The following RPTOR variants were observed in gnomAD, a reference collection of about 807,000 sequenced individuals.
RPTOR encodes regulatory-associated protein of mTOR.
Under a neutral mutation model 169.9 loss-of-function variants are expected in RPTOR, and 21 were observed. The observed-to-expected ratio is 0.12, with a 90% confidence interval of 0.09 to 0.18. RPTOR has a LOEUF of 0.18. RPTOR is among the 10% of genes least tolerant of loss of function. The pLI is 1.00. For missense variants in RPTOR, 1,133 were observed against 1,855.9 expected (o/e 0.61, Z 7.16); for synonymous variants, 732 against 753.2 (o/e 0.97, Z 0.46).
At chr17:80,744,983 T>TAGCACAGCCCTGGCTACG (rs1567889703) in intron 5 of RPTOR, among the ~76,000 whole-genome samples, 21 of 151,574 alleles carry the variant, frequency 1.4e-4, no homozygotes, top group African/African-American at 4.9e-4. Context: ...CCCTGGTTAC[T>TAGCACAGCCCTGGCTACG]AGCACAGCCT....
Position 80,823,353 on chromosome 17 carries a change from G to GTTTTTAT in RPTOR, c.1136+131_1136+132insTTTTATT. 1.8e-6 allele frequency: 2 copies of GTTTTTAT among 1,130,010 alleles called. No homozygotes were observed. Among genetic ancestry groups the GTTTTTAT allele is most frequent in the Non-Finnish European group, 1.2e-6 (1 of 824,752 alleles). 70.0% of individuals were successfully genotyped at this position (1,130,010 alleles called of 1,614,324 possible). ...TGGGGACCCCGTGTAGCATTAACAAGTGAAGCTAAATGCAGGGCTCCCAGA... is the reference window on the plus strand; with the variant it reads ...TGGGGACCCCGTGTAGCATTAACAAGTTTTTATTGAAGCTAAATGCAGGGCTCCCAGA... On this transcript the variant is annotated intron_variant, in intron 9 of 33. Transcript: ENST00000306801. This position sits in a 1 kb window ranked among gnomAD's most constrained non-coding sequence, Gnocchi z 4.5.
chr17:80,552,976 C>T (rs2084363678), intron 1 of RPTOR, among the ~76,000 whole-genome samples: 1 of 152,230 alleles, frequency 6.6e-6, no homozygotes, highest in African/African-American at 2.4e-5. Flanking sequence ...TGGGGCTTCT[C>T]CTAGACCCTT....
At chr17:80,660,552 T>C (rs577832474) in intron 3 of RPTOR, among the ~76,000 whole-genome samples, 2 of 152,158 alleles carry the variant, frequency 1.3e-5, no homozygotes, top group South Asian at 4.1e-4. Context: ...AAGAGTCTGA[T>C]GGTGACACGG....
In RPTOR at chr17:80,960,046, G is replaced by T; in HGVS notation, c.3478-32G>T. The T allele has an allele frequency of 6.2e-7, 1 of 1,606,686 alleles. No homozygotes were observed. Among genetic ancestry groups the T allele is most frequent in the Non-Finnish European group, 8.5e-7 (1 of 1,177,742 alleles). On this transcript the variant is annotated intron_variant, in intron 29 of 33. Coordinates refer to ENST00000306801, the MANE Select transcript of RPTOR (RefSeq NM_020761.3). This position sits in a 1 kb window ranked among gnomAD's most constrained non-coding sequence, Gnocchi z 4.8. ...GCAGGGAGGGTGGCTCGGTGCCCCG[G>T]TCTTCACCGGGCTGCCTGTGTTTGG...
intron 24 of RPTOR, among the ~76,000 whole-genome samples, chr17:80,927,724 G>GTTTC (rs1165056069): frequency 1.6e-5 from 1 of 61,856 alleles, no homozygotes; most frequent in Non-Finnish European, 3.1e-5. Flanking sequence ...GTGTGTGTCT[G>GTTTC]TGTGTTTCTG....
chr17:80,916,540 C>T (rs1444686233), intron 21 of RPTOR, among the ~76,000 whole-genome samples: 2 of 152,370 alleles, frequency 1.3e-5, no homozygotes, highest in Non-Finnish European at 1.5e-5. Context: ...GTGAGCCAAG[C>T]GCAGCCTGCC....
chr17:80,899,479 C>T (rs1048314449), intron 20 of RPTOR, among the ~76,000 whole-genome samples: 14 of 152,318 alleles, frequency 9.2e-5, no homozygotes, highest in Non-Finnish European at 1.6e-4. Flanking sequence ...CCCCTGGCCC[C>T]GGCCACAGCT....
rs2067405591 is a variant in RPTOR at position 80,823,511 on chromosome 17, GA to G, written c.1136+289del. 1 of 311,304 alleles carries G rather than the reference GA, an allele frequency of 3.2e-6. No individual in the cohort carries two copies. Among genetic ancestry groups the G allele is most frequent in the South Asian group, 7.8e-5 (1 of 12,872 alleles). 19.3% of individuals were successfully genotyped at this position (311,304 alleles called of 1,614,324 possible). A position where few individuals can be genotyped will look rare whatever the true frequency, so the allele number is the denominator to read the frequency against. On this transcript the variant is annotated intron_variant, in intron 9 of 33. Transcript: ENST00000306801. The surrounding 1 kb of genome is among the most constrained non-coding windows in gnomAD (Gnocchi z 4.5). ...CTCGGGAGGGTAGCACTTTGCAAGAGAGTTTCTAACCTTTTAGAAACCAGTA... is the reference window on the plus strand; with the variant it reads ...CTCGGGAGGGTAGCACTTTGCAAGAGGTTTCTAACCTTTTAGAAACCAGTA...
intron 8 of RPTOR, among the ~76,000 whole-genome samples, 177 bp from the exon 9 acceptor site, chr17:80,822,902 T>C (rs2067397678): frequency 7.1e-6 from 1 of 141,392 alleles, no homozygotes; most frequent in Admixed American, 7.0e-5. Context: ...TGTGCACGTG[T>C]GTGTATGTTT....
At chr17:80,715,712 C>CA (rs1567872251) in intron 4 of RPTOR, among the ~76,000 whole-genome samples, 16 of 4,342 alleles carry the variant, frequency 3.7e-3, no homozygotes, top group East Asian at 0.11. Context: ...TTTTATCCCT[C>CA]GCCCCCTCCC....
chr17:80,673,492 C>T (rs2065837754), intron 3 of RPTOR, among the ~76,000 whole-genome samples: 1 of 152,228 alleles, frequency 6.6e-6, no homozygotes, highest in Non-Finnish European at 1.5e-5. Flanking sequence ...CTTTCTCAAA[C>T]ACTCGTAACA....
At chr17:80,808,474 A>G (rs535328685) in intron 7 of RPTOR, among the ~76,000 whole-genome samples, 1 of 152,328 alleles carries the variant, frequency 6.6e-6, no homozygotes, top group African/African-American at 2.4e-5. Context: ...GCTGGGAAAA[A>G]GTTCTCATTT....
At chr17:80,642,360 G>A (rs537116807) in intron 2 of RPTOR, among the ~76,000 whole-genome samples, 1 of 151,912 alleles carries the variant, frequency 6.6e-6, no homozygotes, top group East Asian at 1.9e-4. Context: ...GACCCCAGGT[G>A]ATCCACCCAC....
chr17:80,918,472 A>AGTCATAGCCACGAGCACCCTCGCGGGG lies in RPTOR; in HGVS notation c.2521-4241_2521-4215dup, dbSNP rs1567986125. Among the ~76,000 whole-genome samples the AGTCATAGCCACGAGCACCCTCGCGGGG allele has an allele frequency of 2.4e-3, 45 of 18,796 alleles. 1 individual carries two copies. The highest frequency in any genetic ancestry group is 5.4e-3 in the South Asian group (4 of 746). The allele number at this position is 18,796 out of a possible 152,430, so 12.3% of individuals were successfully genotyped here. On this transcript the variant is annotated intron_variant, in intron 21 of 33. Transcript: ENST00000306801. ...TCATAGCCACGAGCACCCTCGCCGG[A>AGTCATAGCCACGAGCACCCTCGCGGGG]GTCATAGCCACGAGCACCCTCGCGG...
At chr17:80,863,298 C>G (rs1280046230) in intron 13 of RPTOR, among the ~76,000 whole-genome samples, 1 of 151,978 alleles carries the variant, frequency 6.6e-6, no homozygotes, top group African/African-American at 2.4e-5. Context: ...AGGGCCTCCC[C>G]CAGCATCACT....
chr17:80,815,826 GGC>G (rs1166554210), intron 7 of RPTOR, among the ~76,000 whole-genome samples: 1 of 152,138 alleles, frequency 6.6e-6, no homozygotes, highest in African/African-American at 2.4e-5. Flanking sequence ...CTGGCGAGGT[GGC>G]TTCCACGTGC....
rs936714681 is a variant in RPTOR, at chr17:80,878,316, C to T, written c.1510-2099C>T. Among the ~76,000 whole-genome samples, 3 of 152,262 alleles carry T rather than the reference C, an allele frequency of 2.0e-5. No homozygotes were observed. Among genetic ancestry groups the T allele is most frequent in the Non-Finnish European group, 2.9e-5 (2 of 68,026 alleles). On this transcript the variant is annotated intron_variant, in intron 13 of 33. Transcript: ENST00000306801. This position sits in a 1 kb window ranked among gnomAD's most constrained non-coding sequence, Gnocchi z 4.1. ...TGCAGTTTCAGACTGCTTTCACATG[C>T]GTGGTTTCATCTCTGACTCCACGAC... is the stretch of plus-strand genomic sequence containing the variant.
At chr17:80,891,027 A>T (rs74004036) in intron 17 of RPTOR, among the ~76,000 whole-genome samples, 1 of 152,184 alleles carries the variant, frequency 6.6e-6, no homozygotes, top group African/African-American at 2.4e-5. Context: ...AGGGAAAAAA[A>T]CGTTCTTTCC....
At chr17:80,787,521 A>C (rs1464028571) in intron 6 of RPTOR, among the ~76,000 whole-genome samples, 5 of 152,226 alleles carry the variant, frequency 3.3e-5, no homozygotes, top group Non-Finnish European at 7.3e-5. Context: ...ACATGCAAGA[A>C]TTTCTTATAT....
Sources: gnomAD v4.1 joint callset for allele counts (sites outside exome capture counted in the v4.1 genomes callset) on GRCh38, gnomAD v4.1.1 for gene constraint, Gnocchi (gnomAD v3.1) non-coding constraint, MANE v1.5 for transcripts, NCBI Gene and HGNC (gene_info 2026-07-23, HGNC 2026-07-21) for gene names.